Variants in KCNQ3 observed in about 807,000 individuals in gnomAD.
KCNQ3 encodes the protein potassium voltage-gated channel subfamily Q member 3.
KCNQ3 carries 30 observed loss-of-function variants against 92.5 expected under a neutral mutation model. That is an observed-to-expected ratio of 0.32 (90% CI 0.24 to 0.44). The LOEUF is 0.44. Among genes scored for constraint, KCNQ3 ranks in the 20% least tolerant of loss-of-function variants. KCNQ3 has a pLI of 1.00. For synonymous variants in KCNQ3, 450 were observed against 468.8 expected (o/e 0.96, Z 0.52); for missense variants, 913 against 1,140.3 (o/e 0.80, Z 2.87).
chr8:132,446,315 A>C (rs1173666547), intron 1 of KCNQ3, among the ~76,000 whole-genome samples: 2 of 152,268 alleles, frequency 1.3e-5, no homozygotes, highest in African/African-American at 4.8e-5. Context: ...TGTGCAAAAC[A>C]GCTTGGCAAA....
chr8:132,379,799 T>TTAAGTA, intron 1 of KCNQ3, among the ~76,000 whole-genome samples: 1 of 152,118 alleles, frequency 6.6e-6, no homozygotes, highest in Admixed American at 6.5e-5. Context: ...TCTCACCAAA[T>TTAAGTA]TAAGTATTTG....
chr8:132,303,412 C>T (rs574399904), intron 1 of KCNQ3, among the ~76,000 whole-genome samples: 29 of 150,342 alleles, frequency 1.9e-4, no homozygotes, highest in Admixed American at 1.3e-3. Flanking sequence ...CCAAATGTTA[C>T]GACATTCACA....
chr8:132,196,489 C>T (rs1016371744), intron 1 of KCNQ3, among the ~76,000 whole-genome samples: 6 of 152,222 alleles, frequency 3.9e-5, no homozygotes, highest in African/African-American at 1.2e-4. Context: ...GCTTGCACCC[C>T]GTGCCACTGT....
At chr8:132,173,255 A>T (rs1029814598) in intron 6 of KCNQ3, among the ~76,000 whole-genome samples, 1 of 152,166 alleles carries the variant, frequency 6.6e-6, no homozygotes, top group Non-Finnish European at 1.5e-5. Flanking sequence ...GCTGAAAGAG[A>T]ACTTGAAGAT....
chr8:132,476,889 C>T (rs549670737), intron 1 of KCNQ3, among the ~76,000 whole-genome samples: 3 of 152,244 alleles, frequency 2.0e-5, no homozygotes, highest in Admixed American at 6.5e-5. Flanking sequence ...ACCCAACTCT[C>T]GTCTCAAATT....
intron 1 of KCNQ3, among the ~76,000 whole-genome samples, chr8:132,405,735 T>C (rs992571427): frequency 1.3e-5 from 2 of 152,226 alleles, no homozygotes; most frequent in Non-Finnish European, 2.9e-5. Flanking sequence ...CATTTCTTCA[T>C]TCCATCAACA....
intron 1 of KCNQ3, among the ~76,000 whole-genome samples, chr8:132,411,845 T>C (rs1820660394): frequency 6.6e-6 from 1 of 152,166 alleles, no homozygotes; most frequent in Non-Finnish European, 1.5e-5. Flanking sequence ...CATGGAGGGA[T>C]GGAGCCCAGC....
At chr8:132,472,134 A>G (rs955795128) in intron 1 of KCNQ3, among the ~76,000 whole-genome samples, 7 of 152,216 alleles carry the variant, frequency 4.6e-5, no homozygotes, top group African/African-American at 1.7e-4. Flanking sequence ...GGATTCTGAG[A>G]AAAGGAATTC....
intron 8 of KCNQ3, among the ~76,000 whole-genome samples, chr8:132,169,741 G>A (rs1326253489): frequency 6.6e-6 from 1 of 152,200 alleles, no homozygotes; most frequent in Non-Finnish European, 1.5e-5. Flanking sequence ...GGGAAGCCCT[G>A]GCTGCACAGA....
At chr8:132,475,052 T>C (rs1822378850) in intron 1 of KCNQ3, among the ~76,000 whole-genome samples, 2 of 152,162 alleles carry the variant, frequency 1.3e-5, no homozygotes, top group South Asian at 2.1e-4. Flanking sequence ...ACTCTTCCCC[T>C]TCACTCTTGC....
At chr8:132,207,224 G>A (rs1813688458) in intron 1 of KCNQ3, among the ~76,000 whole-genome samples, 1 of 152,172 alleles carries the variant, frequency 6.6e-6, no homozygotes, top group South Asian at 2.1e-4. Context: ...CATTCTGCCA[G>A]ATGGCTTGAC....
intron 1 of KCNQ3, among the ~76,000 whole-genome samples, chr8:132,475,183 T>C (rs1822382229): frequency 6.6e-6 from 1 of 152,184 alleles, no homozygotes; most frequent in African/African-American, 2.4e-5. Context: ...CTTTATAAAT[T>C]ACCCAGTCTC....
rs190982169 is a variant in KCNQ3 at position 132,127,010 on chromosome 8, C to T, written c.*2252G>A. On this transcript the variant is annotated 3_prime_UTR_variant, in exon 15 of 15. Coordinates refer to ENST00000388996, the MANE Select transcript of KCNQ3 (RefSeq NM_004519.4). Reference sequence around the variant, plus strand: ...ATGTACATAAAGAAGAGCATAGTAACATGTTGGATGTTAGGCAGGTGATCA... The same window carrying T: ...ATGTACATAAAGAAGAGCATAGTAATATGTTGGATGTTAGGCAGGTGATCA... The T allele has an allele frequency of 6.6e-6, 1 of 152,230 alleles. No individual in the cohort carries two copies. Among genetic ancestry groups the T allele is most frequent in the African/African-American group, 2.4e-5 (1 of 41,536 alleles). The allele number at this position is 152,230 out of a possible 1,614,324, so 9.4% of individuals were successfully genotyped here. A position where few individuals can be genotyped will look rare whatever the true frequency, so the allele number is the denominator to read the frequency against.
rs536850353 is a variant in KCNQ3, at chr8:132,455,171, C to G, written c.386+24976G>C. Reference sequence around the variant, plus strand: ...TCACTCTGTTGCCCAGGCTGGAATACAGTGGCGTGACTGCAACCTCCACCC... The same window carrying G: ...TCACTCTGTTGCCCAGGCTGGAATAGAGTGGCGTGACTGCAACCTCCACCC... On this transcript the variant is annotated intron_variant, in intron 1 of 14. Transcript: ENST00000388996. 2.0e-5 allele frequency among the ~76,000 whole-genome samples: 3 copies of G among 152,182 alleles called. No homozygotes were observed. In the East Asian group the frequency reaches 5.8e-4, roughly 30 times the overall value.
At chr8:132,132,699 T>C (rs1242898814) in intron 13 of KCNQ3, among the ~76,000 whole-genome samples, 2 of 152,194 alleles carry the variant, frequency 1.3e-5, no homozygotes, top group East Asian at 3.8e-4. Context: ...ACAGTGGGTA[T>C]AAATATTTCA....
intron 1 of KCNQ3, among the ~76,000 whole-genome samples, chr8:132,395,964 T>C (rs1820180981): frequency 6.6e-6 from 1 of 152,178 alleles, no homozygotes; most frequent in South Asian, 2.1e-4. Flanking sequence ...CTGAGTTCAG[T>C]CCCAGCTCTG....
intron 1 of KCNQ3, among the ~76,000 whole-genome samples, chr8:132,465,406 G>A (rs1040451953): frequency 1.4e-5 from 2 of 146,924 alleles, no homozygotes; most frequent in South Asian, 4.5e-4. Context: ...GTGAGACCCC[G>A]CCTCTACAAA....
chr8:132,418,905 T>G (rs1281545939), intron 1 of KCNQ3, among the ~76,000 whole-genome samples: 1 of 152,218 alleles, frequency 6.6e-6, no homozygotes, highest in East Asian at 1.9e-4. Flanking sequence ...GTGGTCAGAC[T>G]TCTGTGCAAG....
rs1407585357 is a variant in KCNQ3, at chr8:132,140,594, C to T, written c.1466-416G>A. On this transcript the variant is annotated intron_variant, in intron 10 of 14. Transcript: ENST00000388996. The stretch of plus-strand genomic sequence containing the variant: ...ACCTTGGAGAAGTCACTTTCTGAGC[C>T]GCACACATCAGAGGCCTTGGAGAGA... The T allele has an allele frequency of 4.5e-5, 11 of 242,618 alleles. No homozygotes were observed. In the South Asian group the frequency reaches 5.3e-4, roughly 12 times the overall value. The allele number at this position is 242,618 out of a possible 1,614,324, so 15.0% of individuals were successfully genotyped here. A position where few individuals can be genotyped will look rare whatever the true frequency, so the allele number is the denominator to read the frequency against.
Sources: allele counts gnomAD v4.1 joint callset (sites outside exome capture counted in the v4.1 genomes callset), GRCh38; gene constraint gnomAD v4.1.1; transcripts MANE v1.5; gene names NCBI Gene and HGNC (gene_info 2026-07-23, HGNC 2026-07-21).